Variants in DOK6 observed in about 807,000 individuals in gnomAD.
DOK6 encodes docking protein 6.
DOK6 carries 22 observed loss-of-function variants against 44.0 expected under a neutral mutation model. That is an observed-to-expected ratio of 0.50 (90% CI 0.36 to 0.71). The LOEUF is 0.71. Ranked by LOEUF, DOK6 falls within the 30% of genes least tolerant of loss-of-function variation. The pLI is 0.00. For synonymous variants in DOK6, 166 were observed against 145.5 expected (o/e 1.14, Z -1.01); for missense variants, 340 against 416.4 (o/e 0.82, Z 1.60).
chr18:69,693,619 T>C (rs1986317906), intron 4 of DOK6, among the ~76,000 whole-genome samples: 1 of 152,138 alleles, frequency 6.6e-6, no homozygotes, highest in African/African-American at 2.4e-5. Flanking sequence ...TTGAAGGACT[T>C]CTCACCCGTT....
chr18:69,647,425 C>G (rs1159979200), intron 3 of DOK6: 1 of 152,152 alleles, frequency 6.6e-6, no homozygotes. Flanking sequence ...AGTCCCACAG[C>G]TTGCAAATTC....
At chr18:69,697,386 G>T (rs1420908579) in intron 4 of DOK6, among the ~76,000 whole-genome samples, 1 of 151,918 alleles carries the variant, frequency 6.6e-6, no homozygotes, top group Non-Finnish European at 1.5e-5. Context: ...ACCCACAGAG[G>T]TATATCTGCC....
intron 3 of DOK6, among the ~76,000 whole-genome samples, chr18:69,655,188 A>G (rs997928228): frequency 6.6e-6 from 1 of 152,202 alleles, no homozygotes; most frequent in Admixed American, 6.5e-5. Context: ...TTCACCAGGT[A>G]CAAGACAAAA....
At chr18:69,406,744 A>G (rs1916213286) in intron 1 of DOK6, among the ~76,000 whole-genome samples, 1 of 152,214 alleles carries the variant, frequency 6.6e-6, no homozygotes, top group Non-Finnish European at 1.5e-5. Context: ...ACGCACAGTA[A>G]TGGTGAATAT....
chr18:69,541,358 A>C (rs1213133299), intron 1 of DOK6, among the ~76,000 whole-genome samples: 6 of 151,568 alleles, frequency 4.0e-5, no homozygotes, highest in African/African-American at 1.4e-4. Flanking sequence ...TATAAGCCTT[A>C]AAGCAAGGAA....
At chr18:69,552,112 C>T (rs1982580740) in intron 1 of DOK6, among the ~76,000 whole-genome samples, 1 of 152,208 alleles carries the variant, frequency 6.6e-6, no homozygotes, top group South Asian at 2.1e-4. Flanking sequence ...ATAGTGAGGA[C>T]TTACTGGACA....
chr18:69,834,288 T>C (rs1056701898), intron 7 of DOK6, among the ~76,000 whole-genome samples: 2 of 152,082 alleles, frequency 1.3e-5, no homozygotes, highest in African/African-American at 4.8e-5. Flanking sequence ...AAAAGACAAA[T>C]ATTACACGTT....
chr18:69,452,408 G>A (rs901000923), intron 1 of DOK6, among the ~76,000 whole-genome samples: 2 of 130,308 alleles, frequency 1.5e-5, no homozygotes, highest in Admixed American at 1.6e-4. Flanking sequence ...AGCTGAAATT[G>A]TGGCAATAAT....
At position 69,582,384 on chromosome 18, in the gene DOK6, C is replaced by T. The variant is rs115328606; in HGVS notation, c.175-17000C>T. Among the ~76,000 whole-genome samples, 805 of 152,256 alleles carry T rather than the reference C, an allele frequency of 5.3e-3. 6 individuals carry two copies. The highest frequency in any genetic ancestry group is 0.019 in the African/African-American group (769 of 41,528). On this transcript the variant is annotated intron_variant, in intron 2 of 7. Transcript: ENST00000382713. ...TAAATGCAATAAGTGTATAGGTGAA[C>T]GTCAGCCAAACATGATTGGCAGTTA...
intron 7 of DOK6, among the ~76,000 whole-genome samples, chr18:69,765,202 T>C (rs1006272843): frequency 6.6e-6 from 1 of 152,202 alleles, no homozygotes; most frequent in African/African-American, 2.4e-5. Flanking sequence ...ATTTTGTTTT[T>C]CAAGTTCAAA....
chr18:69,656,106 A>C (rs1345078319), intron 3 of DOK6, among the ~76,000 whole-genome samples: 1 of 152,320 alleles, frequency 6.6e-6, no homozygotes, highest in East Asian at 1.9e-4. Context: ...GCAACCCCAG[A>C]GAAAAATCAG....
chr18:69,560,902 T>C (rs1982814052), intron 1 of DOK6, among the ~76,000 whole-genome samples: 1 of 151,798 alleles, frequency 6.6e-6, no homozygotes, highest in Non-Finnish European at 1.5e-5. Flanking sequence ...TCATAGTCTG[T>C]ACTTGGGAGA....
At chr18:69,448,211 A>T (rs1054112851) in intron 1 of DOK6, among the ~76,000 whole-genome samples, 2 of 152,224 alleles carry the variant, frequency 1.3e-5, no homozygotes, top group East Asian at 3.9e-4. Context: ...CTTTCACCAG[A>T]TTGTTTTAAG....
At chr18:69,653,921 A>C (rs761501149) in intron 3 of DOK6, among the ~76,000 whole-genome samples, 2 of 152,192 alleles carry the variant, frequency 1.3e-5, no homozygotes, top group Non-Finnish European at 2.9e-5. Flanking sequence ...AAAAATGGTT[A>C]ATAGAAATGG....
intron 7 of DOK6, among the ~76,000 whole-genome samples, chr18:69,834,972 A>AAT (rs1437840092): frequency 4.6e-5 from 7 of 152,306 alleles, no homozygotes; most frequent in African/African-American, 1.7e-4. Context: ...CAAGAGAGCA[A>AAT]ATGATCAAAA....
chr18:69,729,341 C>G (rs1978334741), intron 5 of DOK6, among the ~76,000 whole-genome samples: 1 of 151,990 alleles, frequency 6.6e-6, no homozygotes, highest in Non-Finnish European at 1.5e-5. Context: ...ATTGTTTCTG[C>G]TTTTTCATCA....
intron 5 of DOK6, among the ~76,000 whole-genome samples, chr18:69,706,571 A>C (rs1159967888): frequency 1.3e-5 from 2 of 151,716 alleles, no homozygotes; most frequent in Non-Finnish European, 2.9e-5. Flanking sequence ...CATGTGCACA[A>C]TGTGCAGGTT....
intron 3 of DOK6, among the ~76,000 whole-genome samples, chr18:69,635,723 A>C (rs1984790757): frequency 1.3e-5 from 2 of 152,102 alleles, no homozygotes; most frequent in Admixed American, 6.5e-5. Context: ...ATGTGTTGGG[A>C]TCCTCAGTAG....
intron 1 of DOK6, among the ~76,000 whole-genome samples, chr18:69,435,774 C>T (rs1398819105): frequency 6.6e-6 from 1 of 152,054 alleles, no homozygotes; most frequent in Non-Finnish European, 1.5e-5. Flanking sequence ...ATATTATGTG[C>T]TACAAGGAAA....
Sources: allele counts gnomAD v4.1 joint callset (sites outside exome capture counted in the v4.1 genomes callset), GRCh38; gene constraint gnomAD v4.1.1; transcripts MANE v1.5; gene names NCBI Gene and HGNC (gene_info 2026-07-23, HGNC 2026-07-21).